Variants in CTXND1 observed in about 807,000 individuals in gnomAD.
CTXND1 encodes the protein cortexin domain-containing 1 protein.
chr15:80,235,455 G>C (rs570086639), intron 1 of CTXND1, among the ~76,000 whole-genome samples: 25 of 152,240 alleles, frequency 1.6e-4, no homozygotes, highest in African/African-American at 6.0e-4. Flanking sequence ...GAAAGAGCTC[G>C]CCCTAAATTA....
At chr15:80,204,185 T>C (rs1478935291) in intron 1 of CTXND1, among the ~76,000 whole-genome samples, 2 of 46,324 alleles carry the variant, frequency 4.3e-5, no homozygotes, top group Non-Finnish European at 7.6e-5. Flanking sequence ...TATATATATA[T>C]ATATATATAT....
chr15:80,241,205 A>G (rs536359812), intron 1 of CTXND1, among the ~76,000 whole-genome samples: 2 of 152,278 alleles, frequency 1.3e-5, no homozygotes, highest in East Asian at 1.9e-4. Context: ...GAAAAGCCCC[A>G]TGTGTGACTC....
chr15:80,223,958 G>A (rs1893347071), intron 1 of CTXND1, among the ~76,000 whole-genome samples: 1 of 152,164 alleles, frequency 6.6e-6, no homozygotes, highest in African/African-American at 2.4e-5. Context: ...GACTGCCTCA[G>A]TGGATAAAAT....
intron 1 of CTXND1, among the ~76,000 whole-genome samples, chr15:80,233,906 A>AC (rs1893461280): frequency 6.6e-6 from 1 of 152,180 alleles, no homozygotes; most frequent in Non-Finnish European, 1.5e-5. Context: ...TCAGGAACCC[A>AC]CACAACTTGA....
chr15:80,221,113 G>A (rs772498346), intron 1 of CTXND1, among the ~76,000 whole-genome samples: 14 of 151,930 alleles, frequency 9.2e-5, no homozygotes, highest in Admixed American at 6.5e-5. Context: ...GTTTCACCAT[G>A]TTAGCCAGGA....
intron 1 of CTXND1, among the ~76,000 whole-genome samples, chr15:80,228,431 C>G (rs1382659096): frequency 6.6e-6 from 1 of 152,220 alleles, no homozygotes; most frequent in East Asian, 1.9e-4. Context: ...AAATGTATTT[C>G]TTAAATAATA....
chr15:80,232,617 A>G (rs957816949), intron 1 of CTXND1, among the ~76,000 whole-genome samples: 1 of 152,102 alleles, frequency 6.6e-6, no homozygotes. Context: ...TAAAGCCCCA[A>G]CAAGAGCCTC....
intron 1 of CTXND1, among the ~76,000 whole-genome samples, chr15:80,217,218 A>C (rs1048967586): frequency 6.6e-6 from 1 of 152,076 alleles, no homozygotes; most frequent in East Asian, 1.9e-4. Context: ...AGCCTTGGGG[A>C]GTTAAAAAAA....
At chr15:80,203,310 C>T (rs895951479) in intron 2 of CTXND1, among the ~76,000 whole-genome samples, 1 of 152,174 alleles carries the variant, frequency 6.6e-6, no homozygotes, top group Non-Finnish European at 1.5e-5. Context: ...AAGCAAGTTA[C>T]CCAGGCATCA....
chr15:80,231,988 T>G (rs773429767), intron 1 of CTXND1, among the ~76,000 whole-genome samples: 5 of 152,112 alleles, frequency 3.3e-5, no homozygotes, highest in Non-Finnish European at 7.4e-5. Flanking sequence ...CTTAGGAAGT[T>G]GGATGGCGTG....
intron 1 of CTXND1, among the ~76,000 whole-genome samples, chr15:80,243,972 A>G (rs1343408364): frequency 6.6e-6 from 1 of 152,218 alleles, no homozygotes; most frequent in Non-Finnish European, 1.5e-5. Flanking sequence ...TCTGGAAGGC[A>G]ACAAGCAGTC....
chr15:80,251,096 G>A (rs1893688774), intron 1 of CTXND1, among the ~76,000 whole-genome samples: 1 of 152,164 alleles, frequency 6.6e-6, no homozygotes, highest in African/African-American at 2.4e-5. Flanking sequence ...TTCTCCCCAC[G>A]AAGGCAGCAC....
chr15:80,204,251 A>G (rs1419563138), intron 1 of CTXND1, among the ~76,000 whole-genome samples: 2 of 148,074 alleles, frequency 1.4e-5, no homozygotes, highest in African/African-American at 5.0e-5. Flanking sequence ...TAAACTTAAA[A>G]AAATGTGACC....
At chr15:80,203,910 C>T (rs1893114717) in intron 1 of CTXND1, among the ~76,000 whole-genome samples, 170 bp from the exon 2 acceptor site, 1 of 151,638 alleles carries the variant, frequency 6.6e-6, no homozygotes, top group Non-Finnish European at 1.5e-5. Context: ...ACTTTCAAGT[C>T]TGTAATCCCA....
At position 80,199,875 on chromosome 15, in the gene CTXND1, T is replaced by G. The variant is rs575410666; in HGVS notation, c.*1895A>C. 2.8e-4 allele frequency: 43 copies of G among 152,284 alleles called. No individual in the cohort carries two copies. Among genetic ancestry groups the G allele is most frequent in the African/African-American group, 1.0e-3 (43 of 41,482 alleles). 9.4% of individuals were successfully genotyped at this position (152,284 alleles called of 1,614,324 possible). Reference sequence around the variant, plus strand: ...TGGGAGGCAGGCAATGAGAAAGAAGTCTTGAGCTTCTTCACAGCTGCAGGT... The same window carrying G: ...TGGGAGGCAGGCAATGAGAAAGAAGGCTTGAGCTTCTTCACAGCTGCAGGT... On this transcript the variant is annotated 3_prime_UTR_variant, in exon 3 of 3. Transcript: ENST00000560778.
rs186959121 is a variant in CTXND1 at position 80,249,841 on chromosome 15, A to G, written c.-218+2166T>C. Among the ~76,000 whole-genome samples the G allele has an allele frequency of 1.4e-4, 22 of 152,368 alleles. No homozygotes were observed. The East Asian group carries it at 4.2e-3, about 29-fold the overall frequency. The stretch of plus-strand genomic sequence containing the variant: ...ATATTTCCATCCCAAACAGTTCTAA[A>G]TGTTGTCACTTTTAATAGCAAACTT... On this transcript the variant is annotated intron_variant, in intron 1 of 2. Transcript: ENST00000560778.
At chr15:80,242,724 G>A (rs923199792) in intron 1 of CTXND1, among the ~76,000 whole-genome samples, 2 of 152,140 alleles carry the variant, frequency 1.3e-5, no homozygotes, top group Non-Finnish European at 2.9e-5. Context: ...TTCTGCTTTT[G>A]GAAGATTGGC....
chr15:80,202,200 C>T (rs1468738429), intron 2 of CTXND1, among the ~76,000 whole-genome samples, 186 bp from the exon 3 acceptor site: 1 of 79,580 alleles, frequency 1.3e-5, no homozygotes, highest in Non-Finnish European at 2.5e-5. Context: ...AGCCCGAAAC[C>T]TTGTAGGTAA....
chr15:80,242,598 C>T (rs1013053029), intron 1 of CTXND1, among the ~76,000 whole-genome samples: 1 of 152,222 alleles, frequency 6.6e-6, no homozygotes, highest in Admixed American at 6.5e-5. Flanking sequence ...ACACGGGGCC[C>T]TCTGGTAGAT....
Sources: gnomAD v4.1 joint callset for allele counts (sites outside exome capture counted in the v4.1 genomes callset) on GRCh38, gnomAD v4.1.1 for gene constraint, MANE v1.5 for transcripts, NCBI Gene and HGNC (gene_info 2026-07-23, HGNC 2026-07-21) for gene names.